Variants in PHEX observed in about 807,000 individuals in gnomAD.
PHEX encodes the protein phosphate-regulating neutral endopeptidase PHEX.
In PHEX, 16 loss-of-function variants were observed where a neutral mutation model predicts 68.0. The ratio of observed to expected loss-of-function variants is 0.24; its 90% CI spans 0.16 to 0.36. The LOEUF (loss-of-function observed/expected upper bound fraction) is 0.36, where lower values mean the gene tolerates loss of function less well. Ranked by LOEUF, PHEX falls within the 10% of genes least tolerant of loss-of-function variation. PHEX has a pLI of 1.00. For synonymous variants in PHEX, 208 were observed against 205.1 expected (o/e 1.01, Z -0.12); for missense variants, 480 against 575.5 (o/e 0.83, Z 1.70).
In PHEX at chrX:22,207,587, A is replaced by G. The variant is rs751473684; in HGVS notation, c.1646-5317A>G. Among the ~76,000 whole-genome samples the G allele has an allele frequency of 3.6e-5, 4 of 111,389 alleles. No homozygotes were observed. The East Asian group carries it at 1.1e-3, about 31-fold the overall frequency. Reference sequence around the variant, plus strand: ...TATTAGTTTTTTGGGTACAATTTCCATGAAAAAAATAAGAAAACAAATAAA... The same window carrying G: ...TATTAGTTTTTTGGGTACAATTTCCGTGAAAAAAATAAGAAAACAAATAAA... On this transcript the variant is annotated intron_variant, in intron 15 of 21. Coordinates refer to ENST00000379374, the MANE Select transcript of PHEX (RefSeq NM_000444.6).
At chrX:22,124,480 C>A (rs1931633400) in intron 11 of PHEX, among the ~76,000 whole-genome samples, 1 of 111,722 alleles carries the variant, frequency 9.0e-6, no homozygotes, top group East Asian at 2.8e-4. Context: ...AATGTGAAGA[C>A]CCTTTATTAG....
At chrX:22,246,781 A>AT (rs1216368831) in intron 21 of PHEX, among the ~76,000 whole-genome samples, 1 of 112,068 alleles carries the variant, frequency 8.9e-6, no homozygotes, top group African/African-American at 3.2e-5. Context: ...GGTTATGAGG[A>AT]TTTTTTGGAT....
At chrX:22,088,736 TC>T (rs1929726744) in intron 5 of PHEX, among the ~76,000 whole-genome samples, 1 of 111,920 alleles carries the variant, frequency 8.9e-6, no homozygotes, top group Non-Finnish European at 1.9e-5. Flanking sequence ...TCAGATATTT[TC>T]CCCATTCTGT....
At chrX:22,167,954 A>G (rs978121114) in intron 12 of PHEX, among the ~76,000 whole-genome samples, 1 of 111,773 alleles carries the variant, frequency 8.9e-6, no homozygotes, top group Admixed American at 9.5e-5. Context: ...TTCTAGCTCT[A>G]CATTTTGAAA....
At chrX:22,199,923 A>G (rs1215220122) in intron 15 of PHEX, among the ~76,000 whole-genome samples, 2 of 111,859 alleles carry the variant, frequency 1.8e-5, no homozygotes, top group African/African-American at 3.3e-5. Context: ...TCAGGTGTCC[A>G]CCAGGGGTCT....
At chrX:22,111,109 G>A (rs1930943799) in intron 9 of PHEX, among the ~76,000 whole-genome samples, 1 of 112,374 alleles carries the variant, frequency 8.9e-6, no homozygotes, top group Non-Finnish European at 1.9e-5. Flanking sequence ...GATGTTGAAT[G>A]AAATGATGTT....
In PHEX at chrX:22,221,698, G is replaced by T; in HGVS notation, c.1854G>T (p.Met618Ile). ...AGTTTAAGGAAAAAACAAAATGCAT[G>T]ATTAACCAGTATAGCAACTATTATT... ...EEKFKEKTKC[M>I]INQYSNYYWK... Residue 618 changes from methionine to isoleucine, a missense_variant, in exon 18 of 22, where the codon ATG becomes ATT. By Grantham distance (10) the Met-to-Ile change is conservative. Coordinates refer to ENST00000379374, the MANE Select transcript of PHEX (RefSeq NM_000444.6). 1 of 1,204,434 alleles carries T rather than the reference G, an allele frequency of 8.3e-7. No individual in the cohort carries two copies. Among genetic ancestry groups the T allele is most frequent in the Non-Finnish European group, 1.1e-6 (1 of 888,542 alleles).
intron 11 of PHEX, among the ~76,000 whole-genome samples, chrX:22,130,073 T>A (rs1931920260): frequency 8.9e-6 from 1 of 112,091 alleles, no homozygotes; most frequent in Admixed American, 9.5e-5. Flanking sequence ...CGTTCCTCAC[T>A]TTCCCACATA....
chrX:22,134,251 C>T (rs935431297), intron 12 of PHEX, among the ~76,000 whole-genome samples: 5 of 112,043 alleles, frequency 4.5e-5, no homozygotes, highest in African/African-American at 9.7e-5. Context: ...CTATGCGACA[C>T]GATAAGGGAA....
intron 15 of PHEX, among the ~76,000 whole-genome samples, chrX:22,202,678 G>C (rs940558387): frequency 7.2e-5 from 8 of 111,512 alleles, no homozygotes; most frequent in African/African-American, 2.3e-4. Flanking sequence ...AGCATTTGTT[G>C]AGTACCTACC....
chrX:22,204,147 TAGCCTGAAGTGCTATTCAGTA>T lies in PHEX; in HGVS notation c.1646-8756_1646-8736del, dbSNP rs201538358. Among the ~76,000 whole-genome samples, 1,313 of 111,325 alleles carry T rather than the reference TAGCCTGAAGTGCTATTCAGTA, an allele frequency of 0.012. 63 individuals carry two copies. The East Asian group carries it at 0.23, about 19-fold the overall frequency. On this transcript the variant is annotated intron_variant, in intron 15 of 21. Transcript: ENST00000379374. Reference sequence around the variant, plus strand: ...GTCCCAACTTTAGCATGTACCAGAATAGCCTGAAGTGCTATTCAGTAGGTCTAGGGAGGTGGGGGTGCAAAC... The same window carrying T: ...GTCCCAACTTTAGCATGTACCAGAATGGTCTAGGGAGGTGGGGGTGCAAAC...
intron 12 of PHEX, among the ~76,000 whole-genome samples, chrX:22,143,729 G>C (rs1231140471): frequency 8.9e-6 from 1 of 112,340 alleles, no homozygotes; most frequent in Non-Finnish European, 1.9e-5. Flanking sequence ...CCACTTTGTA[G>C]CATGTATCTT....
chrX:22,138,224 T>C (rs1157806228), intron 12 of PHEX, among the ~76,000 whole-genome samples: 2 of 112,919 alleles, frequency 1.8e-5, no homozygotes, highest in Non-Finnish European at 1.9e-5. Flanking sequence ...AGTGCTTCCT[T>C]GCCTGTAAGG....
intron 13 of PHEX, among the ~76,000 whole-genome samples, chrX:22,176,391 AAAAAAAAAAAAATATAT>A (rs1280833625): frequency 3.8e-4 from 24 of 62,686 alleles, no homozygotes; most frequent in African/African-American, 1.3e-3. Flanking sequence ...TCTCAAAAAA[AAAAAAAAAAAAATATAT>A]ATATATATAT....
intron 9 of PHEX, among the ~76,000 whole-genome samples, chrX:22,108,367 A>T (rs773944199): frequency 2.7e-5 from 3 of 111,327 alleles, no homozygotes; most frequent in Non-Finnish European, 5.6e-5. Flanking sequence ...CAGGGAGGGT[A>T]GGAAGGGGAT....
chrX:22,040,655 G>A (rs1049172802), intron 2 of PHEX, among the ~76,000 whole-genome samples: 1 of 111,466 alleles, frequency 9.0e-6, no homozygotes, highest in African/African-American at 3.3e-5. Flanking sequence ...TTTCCAGGTG[G>A]GGGGAACAGA....
At chrX:22,063,518 G>A (rs1450809944) in intron 3 of PHEX, among the ~76,000 whole-genome samples, 1 of 112,122 alleles carries the variant, frequency 8.9e-6, no homozygotes, top group Non-Finnish European at 1.9e-5. Context: ...TGGGGAATGC[G>A]TGGGAGGTGC....
chrX:22,068,197 T>G (rs1251936974), intron 3 of PHEX, among the ~76,000 whole-genome samples: 1 of 111,386 alleles, frequency 9.0e-6, no homozygotes, highest in Non-Finnish European at 1.9e-5. Context: ...TGGCTTAGAC[T>G]AGAGCAAAAT....
chrX:22,118,594 T>C (rs182241127), intron 11 of PHEX, among the ~76,000 whole-genome samples: 1 of 110,759 alleles, frequency 9.0e-6, no homozygotes, highest in Non-Finnish European at 1.9e-5. Flanking sequence ...CCCGCCCCAC[T>C]TCTCCTCCGT....
Sources: allele counts gnomAD v4.1 joint callset (sites outside exome capture counted in the v4.1 genomes callset), GRCh38; gene constraint gnomAD v4.1.1; transcripts MANE v1.5; gene names NCBI Gene and HGNC (gene_info 2026-07-23, HGNC 2026-07-21).